MTOR: variants seen among roughly 807,000 people sequenced by gnomAD.
MTOR encodes the protein serine/threonine-protein kinase mTOR.
A neutral mutation model predicts 319.8 loss-of-function variants in MTOR; 70 were observed. That is an observed-to-expected ratio of 0.22 (90% CI 0.18 to 0.27). MTOR has a LOEUF of 0.27. Among genes scored for constraint, MTOR ranks in the 10% least tolerant of loss-of-function variants. The pLI is 1.00. For synonymous variants in MTOR, 1,183 were observed against 1,211.4 expected (o/e 0.98, Z 0.49); for missense variants, 1,890 against 3,274.4 (o/e 0.58, Z 10.32).
intron 19 of MTOR, among the ~76,000 whole-genome samples, chr1:11,218,953 A>AT (rs1646568532): frequency 6.6e-6 from 1 of 152,164 alleles, no homozygotes; most frequent in Admixed American, 6.6e-5. Flanking sequence ...CACGCCTGTA[A>AT]TCCCAGCACT....
In MTOR at chr1:11,128,788, G is replaced by A; in HGVS notation, c.5811+67C>T. The A allele has an allele frequency of 1.5e-6, 2 of 1,348,894 alleles. No homozygotes were observed. Among genetic ancestry groups the A allele is most frequent in the South Asian group, 2.4e-5 (2 of 82,544 alleles). 83.6% of individuals were successfully genotyped at this position (1,348,894 alleles called of 1,614,324 possible). On this transcript the variant is annotated intron_variant, in intron 41 of 57. Coordinates refer to ENST00000361445, the MANE Select transcript of MTOR (RefSeq NM_004958.4). This position sits in a 1 kb window ranked among gnomAD's most constrained non-coding sequence, Gnocchi z 5.3. ...TGCCTTGTGACACTGAACACAGCAT[G>A]CTTGTAAGAGGAGACACACAGAAGA...
chr1:11,128,808 A>G lies in MTOR; in HGVS notation c.5811+47T>C. ...AGCATGCTTGTAAGAGGAGACACAC[A>G]GAAGAGAGACTTGGAGCCACCTTCA... On this transcript the variant is annotated intron_variant, in intron 41 of 57. Transcript: ENST00000361445. This position sits in a 1 kb window ranked among gnomAD's most constrained non-coding sequence, Gnocchi z 5.3. 1 of 1,488,250 alleles carries G rather than the reference A, an allele frequency of 6.7e-7. No homozygotes were observed. Among genetic ancestry groups the G allele is most frequent in the Non-Finnish European group, 9.3e-7 (1 of 1,070,084 alleles). The allele number at this position is 1,488,250 out of a possible 1,614,324, so 92.2% of individuals were successfully genotyped here. A position where few individuals can be genotyped will look rare whatever the true frequency, so the allele number is the denominator to read the frequency against.
intron 28 of MTOR, chr1:11,189,604 G>A (rs773327829): frequency 6.2e-7 from 1 of 1,612,506 alleles, no homozygotes; most frequent in East Asian, 2.2e-5. Context: ...TCTCTCAGCT[G>A]TGACCTGGCT....
rs114322316 is a variant in MTOR at position 11,121,033 on chromosome 1, T to C, written c.6933+213A>G. Among the ~76,000 whole-genome samples, 1,812 of 152,346 alleles carry C rather than the reference T, an allele frequency of 0.012. 48 individuals carry two copies. The highest frequency in any genetic ancestry group is 0.041 in the African/African-American group (1,690 of 41,572). Reference sequence around the variant, plus strand: ...CAACTATCTTTAATTCTTTAATATATAAAGAGTTCTGGAGGAAATATTAAA... The same window carrying C: ...CAACTATCTTTAATTCTTTAATATACAAAGAGTTCTGGAGGAAATATTAAA... On this transcript the variant is annotated intron_variant, in intron 49 of 57. Transcript: ENST00000361445. This position sits in a 1 kb window ranked among gnomAD's most constrained non-coding sequence, Gnocchi z 4.9.
chr1:11,194,467 G>C (rs1483410296), intron 28 of MTOR: 7 of 1,613,828 alleles, frequency 4.3e-6, no homozygotes, highest in Non-Finnish European at 5.9e-6. Flanking sequence ...ACAGGACTGG[G>C]AGGGCAACCT....
At position 11,128,730 on chromosome 1, in the gene MTOR, G is replaced by A; in HGVS notation, c.5811+125C>T. The A allele has an allele frequency of 9.9e-7, 1 of 1,014,246 alleles. No homozygotes were observed. Among genetic ancestry groups the A allele is most frequent in the African/African-American group, 1.6e-5 (1 of 62,308 alleles). The allele number at this position is 1,014,246 out of a possible 1,614,324, so 62.8% of individuals were successfully genotyped here. ...TATGGACACTTGACACTGGGACCGA[G>A]CCCTACTTCCTTAGCACTGTATTAA... On this transcript the variant is annotated intron_variant, in intron 41 of 57. Transcript: ENST00000361445. This position sits in a 1 kb window ranked among gnomAD's most constrained non-coding sequence, Gnocchi z 5.3.
intron 28 of MTOR, chr1:11,189,515 G>C: frequency 6.6e-7 from 1 of 1,516,188 alleles, no homozygotes; most frequent in Non-Finnish European, 8.8e-7. Context: ...CAGCTTTGCA[G>C]ACCTCAGCTG....
intron 28 of MTOR, chr1:11,194,763 G>T: frequency 6.3e-7 from 1 of 1,596,286 alleles, no homozygotes; most frequent in Non-Finnish European, 8.6e-7. Context: ...TTCCGGTTTT[G>T]GTATTCTTTC....
At chr1:11,242,500 C>CAAAAAAAAAAAAAAAAAAAAAA (rs70977555) in intron 9 of MTOR, among the ~76,000 whole-genome samples, 1 of 52,632 alleles carries the variant, frequency 1.9e-5, no homozygotes, top group East Asian at 6.7e-4. Context: ...GACTCCATCT[C>CAAAAAAAAAAAAAAAAAAAAAA]AAAAAAAAAA....
chr1:11,195,311 C>G (rs1050605874), intron 28 of MTOR: 12 of 321,162 alleles, frequency 3.7e-5, no homozygotes, highest in Non-Finnish European at 5.7e-5. Flanking sequence ...AGTAGCTTGT[C>G]TTTTCCACAT....
chr1:11,129,895 A>G lies in MTOR; in HGVS notation c.5614-57T>C. On this transcript the variant is annotated intron_variant, in intron 39 of 57. Transcript: ENST00000361445. This position sits in a 1 kb window ranked among gnomAD's most constrained non-coding sequence, Gnocchi z 4.7. ...TTGCCTCTGCTTTCTCATCTGTAAA[A>G]TGGGCATAAGAGCATACTAACTGTA... 1 of 1,495,602 alleles carries G rather than the reference A, an allele frequency of 6.7e-7. No individual in the cohort carries two copies. The highest frequency in any genetic ancestry group is 1.1e-5 in the South Asian group (1 of 87,448). The allele number at this position is 1,495,602 out of a possible 1,614,324, so 92.6% of individuals were successfully genotyped here.
intron 54 of MTOR, 149 bp downstream of exon 54, chr1:11,112,703 A>G: frequency 2.6e-6 from 2 of 782,610 alleles, no homozygotes; most frequent in Non-Finnish European, 4.3e-6. Flanking sequence ...CCACTGACTG[A>G]AGCCCACCCC....
chr1:11,108,318 T>C, intron 56 of MTOR, 32 bp from the exon 57 acceptor site: 1 of 1,542,562 alleles, frequency 6.5e-7, no homozygotes, highest in Non-Finnish European at 9.0e-7. Context: ...CATTTCACTC[T>C]CTTCCTGGCA....
intron 29 of MTOR, among the ~76,000 whole-genome samples, chr1:11,159,889 G>A (rs1644421804): frequency 1.3e-5 from 2 of 152,030 alleles, no homozygotes; most frequent in Non-Finnish European, 2.9e-5. Context: ...GACCTTCCGG[G>A]AATTCAATAC....
intron 6 of MTOR, among the ~76,000 whole-genome samples, chr1:11,252,309 T>A (rs530062616): frequency 6.8e-4 from 104 of 152,220 alleles, no homozygotes; most frequent in African/African-American, 1.9e-3. Context: ...GTTAAAAAAA[T>A]TTTTTTGTAG....
At position 11,127,561 on chromosome 1, in the gene MTOR, A is replaced by G. The variant is rs1570941097; in HGVS notation, c.6216+63T>C. ...ATTCTATAAAAACTTTTCTCATTTC[A>G]TTTTTTTTTAGTGGCAGAATATTTC... On this transcript the variant is annotated intron_variant, in intron 44 of 57. Coordinates refer to ENST00000361445, the MANE Select transcript of MTOR (RefSeq NM_004958.4). This position sits in a 1 kb window ranked among gnomAD's most constrained non-coding sequence, Gnocchi z 5.5. 1 of 1,383,752 alleles carries G rather than the reference A, an allele frequency of 7.2e-7. No homozygotes were observed. Among genetic ancestry groups the G allele is most frequent in the Non-Finnish European group, 9.7e-7 (1 of 1,030,480 alleles). The allele number at this position is 1,383,752 out of a possible 1,614,324, so 85.7% of individuals were successfully genotyped here. A position where few individuals can be genotyped will look rare whatever the true frequency, so the allele number is the denominator to read the frequency against.
At chr1:11,187,091 T>C (rs1386213759) in intron 28 of MTOR, among the ~76,000 whole-genome samples, 2 of 152,202 alleles carry the variant, frequency 1.3e-5, no homozygotes, top group Non-Finnish European at 2.9e-5. Context: ...TCTGCCCACA[T>C]ATAAGAATCA....
intron 36 of MTOR, among the ~76,000 whole-genome samples, chr1:11,137,473 G>A (rs1461946726): frequency 6.6e-6 from 1 of 152,100 alleles, no homozygotes; most frequent in Non-Finnish European, 1.5e-5. Flanking sequence ...TCTTTCTACT[G>A]TATAGTACAA....
At position 11,237,917 on chromosome 1, in the gene MTOR, T is replaced by C; in HGVS notation, c.2134A>G (p.Ile712Val). ...DQVFEIRELA[I>V]CTVGRLSSMN... ...CTACTGAGTCGGCCCACAGTGCAGA[T>C]GGCCAGCTCCCGGATCTCAAACACC... Residue 712 changes from isoleucine (I) to valine (V), a missense_variant, in exon 13 of 58, where the codon ATC becomes GTC. Around this residue, in one of 15 missense-constraint regions of MTOR, gnomAD observed 377 missense variants for 653.9 expected, o/e 0.58. Transcript: ENST00000361445. 3 of 1,614,160 alleles carry C rather than the reference T, an allele frequency of 1.9e-6. No individual in the cohort carries two copies. Among genetic ancestry groups the C allele is most frequent in the Non-Finnish European group, 2.5e-6 (3 of 1,180,036 alleles).
Sources: gnomAD v4.1 joint callset for allele counts (sites outside exome capture counted in the v4.1 genomes callset) on GRCh38, gnomAD v4.1.1 for gene constraint, gnomAD v4.1.1 regional missense constraint, Gnocchi (gnomAD v3.1) non-coding constraint, MANE v1.5 for transcripts, NCBI Gene and HGNC (gene_info 2026-07-23, HGNC 2026-07-21) for gene names.